Variants in JPH3 observed in about 807,000 individuals in gnomAD.
JPH3 encodes junctophilin 3.
A neutral mutation model predicts 59.6 loss-of-function variants in JPH3; 11 were observed. That is an observed-to-expected ratio of 0.18 (90% CI 0.12 to 0.31). JPH3 has a LOEUF of 0.31. Among genes scored for constraint, JPH3 ranks in the 10% least tolerant of loss-of-function variants. JPH3 has a pLI of 1.00. For synonymous variants in JPH3, 673 were observed against 483.6 expected (o/e 1.39, Z -5.14); for missense variants, 1,202 against 1,105.7 (o/e 1.09, Z -1.24).
chr16:87,646,852 G>C (rs1397516976), intron 2 of JPH3, among the ~76,000 whole-genome samples: 1 of 152,200 alleles, frequency 6.6e-6, no homozygotes, highest in East Asian at 1.9e-4. Context: ...GCAGGACTGA[G>C]CTTATTTCAC....
rs146709582 is a variant in JPH3 at position 87,623,489 on chromosome 16, AC to A, written c.382+19963del. On this transcript the variant is annotated intron_variant, in intron 1 of 4. Coordinates refer to ENST00000284262, the MANE Select transcript of JPH3 (RefSeq NM_020655.4). ...TGACAGAGTCACCGATGTGGCCAGT[AC>A]CACTGTGGGCTTGAGGCATCTTCTA... Among the ~76,000 whole-genome samples, 301 of 152,308 alleles carry A rather than the reference AC, an allele frequency of 2.0e-3. 4 individuals carry two copies. The highest frequency in any genetic ancestry group is 6.9e-3 in the African/African-American group (288 of 41,572).
intron 1 of JPH3, among the ~76,000 whole-genome samples, chr16:87,625,665 TTCA>T (rs1433058007): frequency 6.6e-6 from 1 of 152,118 alleles, no homozygotes; most frequent in African/African-American, 2.4e-5. Context: ...CTGGGGGGCC[TTCA>T]TCAAGCTGTA....
chr16:87,660,020 C>T (rs60554156), intron 2 of JPH3, among the ~76,000 whole-genome samples: 29,546 of 152,020 alleles, frequency 0.19, 3,281 homozygotes, highest in South Asian at 0.38. Context: ...CCTGTCACTC[C>T]TAGTGTGGAG....
At chr16:87,646,317 T>G (rs1442963719) in intron 2 of JPH3, among the ~76,000 whole-genome samples, 2 of 152,250 alleles carry the variant, frequency 1.3e-5, no homozygotes, top group African/African-American at 4.8e-5. Context: ...CGACTTCTAT[T>G]GTTTTAGAGG....
chr16:87,635,999 C>T (rs937112032), intron 1 of JPH3, among the ~76,000 whole-genome samples: 1 of 152,270 alleles, frequency 6.6e-6, no homozygotes, highest in Non-Finnish European at 1.5e-5. Flanking sequence ...AGGACATTAT[C>T]TAGCTCTGGG....
intron 4 of JPH3, chr16:87,695,113 C>T (rs1192891072): frequency 2.8e-6 from 1 of 358,214 alleles, no homozygotes; most frequent in Non-Finnish European, 5.5e-6. Context: ...CAATTCTCTT[C>T]CAGTCTCTGG....
intron 2 of JPH3, chr16:87,683,798 CT>C (rs2033351695): frequency 8.7e-6 from 2 of 228,880 alleles, no homozygotes; most frequent in Non-Finnish European, 1.7e-5. Context: ...CAGAGACAGG[CT>C]TTTGCCATGT....
In JPH3 at chr16:87,603,097, C is replaced by A; in HGVS notation, c.-50C>A. 1.2e-6 allele frequency: 2 copies of A among 1,612,020 alleles called. No homozygotes were observed. The highest frequency in any genetic ancestry group is 2.2e-5 in the South Asian group (2 of 90,902). ...GCGGCCGCGACTCTGCTGTGTCGATCGCCTGAGTCCGTTTTCACCGTTTGC... is the reference window on the plus strand; with the variant it reads ...GCGGCCGCGACTCTGCTGTGTCGATAGCCTGAGTCCGTTTTCACCGTTTGC... On this transcript the variant is annotated 5_prime_UTR_variant, in exon 1 of 5. Coordinates refer to ENST00000284262, the MANE Select transcript of JPH3 (RefSeq NM_020655.4).
At chr16:87,630,840 C>A (rs1295102720) in intron 1 of JPH3, among the ~76,000 whole-genome samples, 2 of 152,142 alleles carry the variant, frequency 1.3e-5, no homozygotes, top group Non-Finnish European at 2.9e-5. Flanking sequence ...ATCCCTTAGA[C>A]CCCCATTCTC....
At chr16:87,628,645 C>A (rs2031462449) in intron 1 of JPH3, among the ~76,000 whole-genome samples, 2 of 152,190 alleles carry the variant, frequency 1.3e-5, no homozygotes, top group Non-Finnish European at 2.9e-5. Flanking sequence ...AAAATGGGCA[C>A]AATAACATGC....
At chr16:87,655,245 C>G (rs1405891235) in intron 2 of JPH3, among the ~76,000 whole-genome samples, 4 of 152,262 alleles carry the variant, frequency 2.6e-5, no homozygotes, top group Admixed American at 6.5e-5. Context: ...AGGCGCGCAG[C>G]CTGCCAGGCC....
At chr16:87,604,132 G>A in intron 1 of JPH3, 2 of 1,346,022 alleles carry the variant, frequency 1.5e-6, no homozygotes, top group African/African-American at 1.5e-5. Context: ...GCTGCTGGAG[G>A]GAGGAGGGAG....
chr16:87,690,154 C>T lies in JPH3; in HGVS notation c.1794C>T (p.Ser598=). 3 of 1,598,914 alleles carry T rather than the reference C, an allele frequency of 1.9e-6. No individual in the cohort carries two copies. The highest frequency in any genetic ancestry group is 2.3e-5 in the East Asian group (1 of 43,904). Reference sequence around the variant, plus strand: ...CCAGCAACCACAGCCCCGGAGGCTCCAGGCTGCTGGAGCTGCAGGAGGAGA... The same window carrying T: ...CCAGCAACCACAGCCCCGGAGGCTCTAGGCTGCTGGAGCTGCAGGAGGAGA... ...HRASNHSPGG[S]RLLELQEEKL... Residue 598 remains serine, a synonymous_variant, in exon 4 of 5, where the codon TCC becomes TCT. Coordinates refer to ENST00000284262, the MANE Select transcript of JPH3 (RefSeq NM_020655.4).
intron 1 of JPH3, among the ~76,000 whole-genome samples, chr16:87,640,066 G>A (rs143803965): frequency 2.0e-5 from 3 of 152,248 alleles, no homozygotes; most frequent in African/African-American, 7.2e-5. Context: ...CTGAGGGGGG[G>A]CCCAATTTAA....
intron 1 of JPH3, 75 bp from the exon 2 acceptor site, chr16:87,644,183 T>C: frequency 3.4e-6 from 5 of 1,457,820 alleles, no homozygotes; most frequent in Non-Finnish European, 4.7e-6. Context: ...TGTGGCTGCT[T>C]CAACCCTGTC....
intron 4 of JPH3, chr16:87,695,064 G>C (rs2033760338): frequency 5.8e-6 from 2 of 342,492 alleles, no homozygotes; most frequent in South Asian, 4.6e-5. Flanking sequence ...CTTAGATTTA[G>C]GCCTGGGAGT....
chr16:87,696,495 G>C, intron 4 of JPH3, 85 bp from the exon 5 acceptor site: 1 of 1,129,226 alleles, frequency 8.9e-7, no homozygotes, highest in East Asian at 2.3e-5. Flanking sequence ...TGCTAGCTTG[G>C]TGAAAAGACG....
chr16:87,623,445 G>A (rs1158578402), intron 1 of JPH3, among the ~76,000 whole-genome samples: 1 of 152,236 alleles, frequency 6.6e-6, no homozygotes, highest in Non-Finnish European at 1.5e-5. Flanking sequence ...CTGTGTGGGG[G>A]ACATGCCGTT....
intron 2 of JPH3, among the ~76,000 whole-genome samples, chr16:87,680,730 G>C (rs1217802199): frequency 6.6e-6 from 1 of 152,184 alleles, no homozygotes; most frequent in Non-Finnish European, 1.5e-5. Context: ...GCCGAGACCT[G>C]GTGTCTCATT....
Sources: gnomAD v4.1 joint callset for allele counts (sites outside exome capture counted in the v4.1 genomes callset) on GRCh38, gnomAD v4.1.1 for gene constraint, MANE v1.5 for transcripts, NCBI Gene and HGNC (gene_info 2026-07-23, HGNC 2026-07-21) for gene names.